Variants in USP53 observed in about 807,000 individuals in gnomAD.
The protein encoded by USP53 is ubiquitin specific peptidase 53.
Under a neutral mutation model 94.9 loss-of-function variants are expected in USP53, and 71 were observed. That is an observed-to-expected ratio of 0.75 (90% confidence interval 0.62 to 0.91). The LOEUF (loss-of-function observed/expected upper bound fraction) is 0.91. Ranked by LOEUF, USP53 falls within the 40% of genes least tolerant of loss-of-function variation. The probability of loss-of-function intolerance (pLI) is 0.00; values close to 1 mark genes in which losing one functional copy is unlikely to be tolerated. For synonymous variants in USP53, 375 were observed against 422.7 expected (o/e 0.89, Z 1.39); for missense variants, 1,173 against 1,281.0 (o/e 0.92, Z 1.29).
intron 7 of USP53, among the ~76,000 whole-genome samples, chr4:119,255,252 C>G (rs953395634): frequency 6.6e-6 from 1 of 152,192 alleles, no homozygotes; most frequent in Non-Finnish European, 1.5e-5. Flanking sequence ...AACCACTGCT[C>G]TCTTCAGAGC....
Position 119,271,482 on chromosome 4 carries a change from C to A in USP53, c.1622C>A (p.Ala541Asp). ...IISSSKSQIL[A>D]PGEKITGKVK... is the part of the protein sequence containing the mutation. ...AGTTCAAGTAAATCCCAGATTCTTG[C>A]TCCAGGAGAGAAAATAACTGGCAAA... Residue 541 changes from alanine (A) to aspartate (D), a missense_variant, in exon 16 of 19, where the codon GCT becomes GAT. Physicochemically the swap from Ala to Asp is moderately radical, Grantham distance 126. Coordinates refer to ENST00000692078, the MANE Select transcript of USP53 (RefSeq NM_001371395.1). 6.2e-7 allele frequency: 1 copy of A among 1,613,464 alleles called. No homozygotes were observed. The highest frequency in any genetic ancestry group is 8.5e-7 in the Non-Finnish European group (1 of 1,179,936).
chr4:119,251,249 G>A (rs1418059392), intron 7 of USP53, among the ~76,000 whole-genome samples: 1 of 152,000 alleles, frequency 6.6e-6, no homozygotes, highest in African/African-American at 2.4e-5. Context: ...CTTTTTTGTG[G>A]CTGCATAGTA....
rs778653161 is a variant in USP53 at position 119,293,229 on chromosome 4, C to T, written c.*18C>T. On this transcript the variant is annotated 3_prime_UTR_variant, in exon 19 of 19. Transcript: ENST00000692078. ...TATCTTAGAGTGAAAAAGGACTAGA[C>T]CTGTGTTACATAATAATCTTGGTTC... 2.6e-6 allele frequency: 4 copies of T among 1,556,622 alleles called. No homozygotes were observed. The African/African-American group carries it at 4.1e-5, about 16-fold the overall frequency.
Position 119,260,157 on chromosome 4 carries a change from T to G in USP53, c.675+232T>G, listed in dbSNP as rs1248089561. 2.0e-5 allele frequency among the ~76,000 whole-genome samples: 3 copies of G among 152,306 alleles called. No individual in the cohort carries two copies. The East Asian group carries it at 5.8e-4, about 29-fold the overall frequency. ...TTAAATTTTTTCAAAGTTCTGAAAT[T>G]TATCATTTGATTACAGAGAAAGTTT... On this transcript the variant is annotated intron_variant, in intron 10 of 18. Transcript: ENST00000692078.
Position 119,251,924 on chromosome 4 carries a change from TGA to T in USP53, c.372+3046_372+3047del, listed in dbSNP as rs1211989713. On this transcript the variant is annotated intron_variant, in intron 7 of 18. Transcript: ENST00000692078. ...TACATTCTATTGATACCTAGTTTAT[TGA>T]GAGTTTTTAGCATGAAAGGCTGTTG... Among the ~76,000 whole-genome samples, 3 of 152,344 alleles carry T rather than the reference TGA, an allele frequency of 2.0e-5. No individual in the cohort carries two copies. The East Asian group carries it at 5.8e-4, about 29-fold the overall frequency.
At chr4:119,290,871 A>C (rs2149484613) in intron 17 of USP53, among the ~76,000 whole-genome samples, 1 of 152,294 alleles carries the variant, frequency 6.6e-6, no homozygotes, top group East Asian at 1.9e-4. Flanking sequence ...TCTTGTCTTA[A>C]GTAACAGGGA....
Position 119,271,359 on chromosome 4 carries a change from A to T in USP53, c.1499A>T (p.Lys500Ile). ...TCACCTCCTGCCCCAAATGGTTTTA[A>T]ACAACATGGGAATCCACATCTATAT... Reference protein sequence around the residue: ...SGSPPAPNGFKQHGNPHLYHS... With the variant: ...SGSPPAPNGFIQHGNPHLYHS... Residue 500 changes from lysine to isoleucine, a missense_variant, in exon 16 of 19, where the codon AAA (lysine) becomes ATA (isoleucine). Transcript: ENST00000692078. 1 of 1,607,548 alleles carries T rather than the reference A, an allele frequency of 6.2e-7. No individual in the cohort carries two copies. Among genetic ancestry groups the T allele is most frequent in the South Asian group, 1.1e-5 (1 of 89,178 alleles).
At chr4:119,261,239 G>T (rs867633090) in intron 11 of USP53, among the ~76,000 whole-genome samples, 41 of 152,050 alleles carry the variant, frequency 2.7e-4, no homozygotes, top group African/African-American at 8.9e-4. Flanking sequence ...GGGATTACAG[G>T]CGTGAGCCAC....
chr4:119,255,772 C>T (rs943288702), intron 7 of USP53, among the ~76,000 whole-genome samples: 6 of 152,190 alleles, frequency 3.9e-5, no homozygotes, highest in Non-Finnish European at 5.9e-5. Flanking sequence ...TCCAACCAGT[C>T]CCAATGAGAT....
At chr4:119,266,171 A>C (rs1350449598) in intron 12 of USP53, 6 of 427,038 alleles carry the variant, frequency 1.4e-5, no homozygotes, top group Non-Finnish European at 2.3e-5. Context: ...TAATGTCTTT[A>C]AGATTCATTC....
At chr4:119,244,435 C>A (rs1005809350) in intron 5 of USP53, among the ~76,000 whole-genome samples, 1 of 152,022 alleles carries the variant, frequency 6.6e-6, no homozygotes, top group African/African-American at 2.4e-5. Context: ...TTCTTAGTTA[C>A]GTTATCTGAG....
rs192859109 is a variant in USP53, at chr4:119,290,539, G to A, written c.2252-626G>A. 2.0e-5 allele frequency among the ~76,000 whole-genome samples: 3 copies of A among 152,144 alleles called. No individual in the cohort carries two copies. In the East Asian group the frequency reaches 5.8e-4, roughly 29 times the overall value. On this transcript the variant is annotated intron_variant, in intron 17 of 18. Coordinates refer to ENST00000692078, the MANE Select transcript of USP53 (RefSeq NM_001371395.1). Reference sequence around the variant, plus strand: ...CAAGTTGCTAGTCATTTCTTTATAAGGTTATTGTAAAGATTAAATGAAATA... The same window carrying A: ...CAAGTTGCTAGTCATTTCTTTATAAAGTTATTGTAAAGATTAAATGAAATA...
At chr4:119,259,083 C>A (rs1248921677) in intron 9 of USP53, among the ~76,000 whole-genome samples, 1 of 151,950 alleles carries the variant, frequency 6.6e-6, no homozygotes, top group Non-Finnish European at 1.5e-5. Context: ...GAGTTCAAGA[C>A]CAGCCTGAGG....
In USP53 at chr4:119,214,178, A is replaced by C. The variant is rs115992760; in HGVS notation, c.-833A>C. The C allele has an allele frequency of 6.6e-6, 1 of 151,876 alleles. No homozygotes were observed. The highest frequency in any genetic ancestry group is 2.4e-5 in the African/African-American group (1 of 41,448). The allele number at this position is 151,876 out of a possible 1,614,324, so 9.4% of individuals were successfully genotyped here. A position where few individuals can be genotyped will look rare whatever the true frequency, so the allele number is the denominator to read the frequency against. On this transcript the variant is annotated 5_prime_UTR_variant, in exon 2 of 19. Coordinates refer to ENST00000692078, the MANE Select transcript of USP53 (RefSeq NM_001371395.1). ...ACTTACTCTGCAAAAGTAATATATG[A>C]TTTACCTGCTGTTGTCATAAGAATT...
intron 9 of USP53, among the ~76,000 whole-genome samples, chr4:119,258,717 A>G (rs1750085976): frequency 1.3e-5 from 2 of 152,182 alleles, no homozygotes; most frequent in South Asian, 4.1e-4. Context: ...TTATGAAACC[A>G]TCAGATCTTG....
In USP53 at chr4:119,294,301, A is replaced by G. The variant is rs1329770072; in HGVS notation, c.*1090A>G. 2 of 152,080 alleles carry G rather than the reference A, an allele frequency of 1.3e-5. No individual in the cohort carries two copies. Among genetic ancestry groups the G allele is most frequent in the African/African-American group, 4.8e-5 (2 of 41,440 alleles). 9.4% of individuals were successfully genotyped at this position (152,080 alleles called of 1,614,324 possible). ...CAGATTAAATTTCTACCTTTCATAT[A>G]GAGAGTTTAATTTTAATAAAATGTT... On this transcript the variant is annotated 3_prime_UTR_variant, in exon 19 of 19. Transcript: ENST00000692078.
intron 2 of USP53, among the ~76,000 whole-genome samples, chr4:119,217,196 C>T (rs1453669018): frequency 6.6e-6 from 1 of 152,176 alleles, no homozygotes; most frequent in African/African-American, 2.4e-5. Context: ...CTTTGCCCAT[C>T]AGATACCTCA....
chr4:119,216,695 T>G (rs1421523274), intron 2 of USP53, among the ~76,000 whole-genome samples: 2 of 152,228 alleles, frequency 1.3e-5, no homozygotes, highest in Non-Finnish European at 2.9e-5. Context: ...GTAACAAAAT[T>G]GCTTATGATT....
chr4:119,234,398 G>C (rs1746457673), intron 3 of USP53, among the ~76,000 whole-genome samples: 1 of 152,146 alleles, frequency 6.6e-6, no homozygotes, highest in Admixed American at 6.5e-5. Flanking sequence ...GAGATGGAGG[G>C]AGGGAAGCAG....
Sources: allele counts gnomAD v4.1 joint callset (sites outside exome capture counted in the v4.1 genomes callset), GRCh38; gene constraint gnomAD v4.1.1; transcripts MANE v1.5; gene names NCBI Gene and HGNC (gene_info 2026-07-23, HGNC 2026-07-21).